Variants in ASTN2 observed in about 807,000 individuals in gnomAD.
ASTN2 encodes the protein astrotactin 2.
A neutral mutation model predicts 139.8 loss-of-function variants in ASTN2; 54 were observed. That is an observed-to-expected ratio of 0.39 (90% CI 0.31 to 0.48). The LOEUF (loss-of-function observed/expected upper bound fraction) is 0.48. Ranked by LOEUF, ASTN2 falls within the 20% of genes least tolerant of loss-of-function variation. ASTN2 has a pLI of 0.95. For synonymous variants in ASTN2, 756 were observed against 719.5 expected, an observed-to-expected ratio of 1.05 and a Z score of -0.81; for missense variants, 1,565 against 1,725.1, an observed-to-expected ratio of 0.91 and a Z score of 1.64.
chr9:116,596,770 G>A (rs1301579764), intron 19 of ASTN2, among the ~76,000 whole-genome samples: 1 of 152,178 alleles, frequency 6.6e-6, no homozygotes, highest in Non-Finnish European at 1.5e-5. Flanking sequence ...TATTTAGGTA[G>A]TCAGGAAAGG....
chr9:117,063,495 T>C (rs1839354563), intron 5 of ASTN2, among the ~76,000 whole-genome samples: 1 of 152,176 alleles, frequency 6.6e-6, no homozygotes, highest in Admixed American at 6.5e-5. Context: ...CCTGCTGCAA[T>C]ATAAGACGTG....
At chr9:117,026,336 G>C (rs1418478171) in intron 6 of ASTN2, among the ~76,000 whole-genome samples, 1 of 152,034 alleles carries the variant, frequency 6.6e-6, no homozygotes. Context: ...GTTAGGATTT[G>C]AACCCATGTA....
At chr9:116,947,250 A>T (rs1191342127) in intron 10 of ASTN2, among the ~76,000 whole-genome samples, 1 of 152,184 alleles carries the variant, frequency 6.6e-6, no homozygotes, top group Non-Finnish European at 1.5e-5. Flanking sequence ...TACTGAGTGA[A>T]ATGGGATTCA....
At chr9:116,813,057 A>G (rs1831210609) in intron 12 of ASTN2, among the ~76,000 whole-genome samples, 1 of 152,172 alleles carries the variant, frequency 6.6e-6, no homozygotes, top group Admixed American at 6.5e-5. Context: ...ACATAATTAT[A>G]TAGCTTCTTT....
At chr9:116,875,154 C>A (rs1268444055) in intron 10 of ASTN2, among the ~76,000 whole-genome samples, 5 of 152,112 alleles carry the variant, frequency 3.3e-5, no homozygotes, top group African/African-American at 1.2e-4. Context: ...AAAGCCAAGA[C>A]TGATGAAAAG....
intron 1 of ASTN2, among the ~76,000 whole-genome samples, chr9:117,364,554 A>G (rs570040251): frequency 6.6e-6 from 1 of 152,314 alleles, no homozygotes; most frequent in East Asian, 1.9e-4. Context: ...GTACCCCACG[A>G]AAGATTATTG....
At chr9:116,737,997 C>T (rs1828986537) in intron 13 of ASTN2, among the ~76,000 whole-genome samples, 1 of 149,960 alleles carries the variant, frequency 6.7e-6, no homozygotes, top group Admixed American at 6.6e-5. Flanking sequence ...TCGAGACCAT[C>T]CTGGCTAACA....
At chr9:117,072,291 C>T (rs1828157422) in intron 5 of ASTN2, among the ~76,000 whole-genome samples, 1 of 152,168 alleles carries the variant, frequency 6.6e-6, no homozygotes, top group African/African-American at 2.4e-5. Flanking sequence ...CCTTGGGAGG[C>T]CTCTAAATTC....
intron 5 of ASTN2, among the ~76,000 whole-genome samples, chr9:117,075,708 A>G (rs1243005864): frequency 1.3e-5 from 2 of 152,184 alleles, no homozygotes; most frequent in African/African-American, 2.4e-5. Flanking sequence ...CTGACCTTCT[A>G]TATAATTTGA....
chr9:116,838,116 G>GTTT (rs370249958), intron 11 of ASTN2, among the ~76,000 whole-genome samples: 2 of 126,516 alleles, frequency 1.6e-5, no homozygotes, highest in African/African-American at 2.9e-5. Context: ...TTTTTGTTTT[G>GTTT]TTTTGTTTTT....
intron 20 of ASTN2, among the ~76,000 whole-genome samples, chr9:116,471,347 T>C (rs1332481319): frequency 6.6e-6 from 1 of 152,146 alleles, no homozygotes; most frequent in Non-Finnish European, 1.5e-5. Context: ...TTCTTGCTTG[T>C]TTTAATCTGT....
chr9:117,313,583 T>C (rs544649742), intron 1 of ASTN2, among the ~76,000 whole-genome samples: 1 of 152,048 alleles, frequency 6.6e-6, no homozygotes, highest in Admixed American at 6.6e-5. Flanking sequence ...GTTTACCAAG[T>C]GAAGTGGGGA....
intron 13 of ASTN2, among the ~76,000 whole-genome samples, chr9:116,734,517 C>T (rs561809625): frequency 1.3e-5 from 2 of 151,810 alleles, no homozygotes; most frequent in South Asian, 2.2e-4. Flanking sequence ...TTATGAGGTC[C>T]CTTTATATTC....
At chr9:116,756,328 C>T (rs995156773) in intron 13 of ASTN2, among the ~76,000 whole-genome samples, 1 of 152,120 alleles carries the variant, frequency 6.6e-6, no homozygotes, top group Non-Finnish European at 1.5e-5. Context: ...TATTATAGAA[C>T]CTATCTAAAC....
At chr9:116,696,890 C>T (rs138462089) in intron 16 of ASTN2, among the ~76,000 whole-genome samples, 1 of 148,074 alleles carries the variant, frequency 6.8e-6, no homozygotes, top group Non-Finnish European at 1.5e-5. Context: ...TCACAATTTT[C>T]TGCTTCTGTG....
At chr9:117,012,908 C>A (rs184601423) in intron 6 of ASTN2, among the ~76,000 whole-genome samples, 64 of 152,336 alleles carry the variant, frequency 4.2e-4, no homozygotes, top group African/African-American at 1.4e-3. Flanking sequence ...CCAAGCCCTG[C>A]AGCAGGCTCT....
intron 20 of ASTN2, among the ~76,000 whole-genome samples, chr9:116,462,785 A>T (rs1030399953): frequency 2.0e-5 from 2 of 102,074 alleles, no homozygotes; most frequent in South Asian, 1.1e-3. Context: ...GTGTTGGGTG[A>T]GCATGTGTGT....
chr9:117,195,748 G>T (rs539952991), intron 3 of ASTN2, among the ~76,000 whole-genome samples: 1 of 152,094 alleles, frequency 6.6e-6, no homozygotes, highest in Non-Finnish European at 1.5e-5. Context: ...TTCACAGGGG[G>T]TGTCAGAAGG....
chr9:116,808,879 T>C lies in ASTN2; in HGVS notation c.2208-3059A>G, dbSNP rs117267145. Among the ~76,000 whole-genome samples the C allele has an allele frequency of 7.4e-3, 1,122 of 152,298 alleles. 4 individuals carry two copies. The highest frequency in any genetic ancestry group is 0.011 in the Non-Finnish European group (781 of 67,996). ...TAACTCATTTTTGTTTGGATTTGCA[T>C]TTCCCTTGTTACTGATTAGGTTCAG... On this transcript the variant is annotated intron_variant, in intron 12 of 22. Transcript: ENST00000313400.
Sources: allele counts gnomAD v4.1 joint callset (sites outside exome capture counted in the v4.1 genomes callset), GRCh38; gene constraint gnomAD v4.1.1; transcripts MANE v1.5; gene names NCBI Gene and HGNC (gene_info 2026-07-23, HGNC 2026-07-21).